Variants in MYO9A observed in about 807,000 individuals in gnomAD.
MYO9A encodes the protein myosin IXA, also known as unconventional myosin-IXa.
A neutral mutation model predicts 293.3 loss-of-function variants in MYO9A; 103 were observed. The observed-to-expected ratio is 0.35, with a 90% confidence interval of 0.30 to 0.41. The LOEUF is 0.41. MYO9A is among the 10% of genes least tolerant of loss of function. The pLI is 1.00. For missense variants in MYO9A, 2,685 were observed against 3,033.0 expected (o/e 0.89, Z 2.69); for synonymous variants, 1,001 against 1,035.7 (o/e 0.97, Z 0.64).
chr15:71,935,248 C>T, intron 17 of MYO9A, 93 bp downstream of exon 17: 4 of 1,302,730 alleles, frequency 3.1e-6, no homozygotes, highest in Admixed American at 2.3e-5. Context: ...TAACATTTCA[C>T]CATCTTCCTT....
intron 1 of MYO9A, among the ~76,000 whole-genome samples, chr15:72,067,013 T>G (rs1296730726): frequency 2.0e-5 from 3 of 149,434 alleles, no homozygotes; most frequent in Non-Finnish European, 4.4e-5. Flanking sequence ...ATCATTACAT[T>G]ATATATTACA....
At chr15:71,894,950 C>T (rs1462664143) in intron 25 of MYO9A, among the ~76,000 whole-genome samples, 2 of 152,184 alleles carry the variant, frequency 1.3e-5, no homozygotes, top group Non-Finnish European at 2.9e-5. Context: ...AAATTAGACA[C>T]TAACTTATGA....
intron 18 of MYO9A, among the ~76,000 whole-genome samples, chr15:71,928,729 C>G (rs1405244752): frequency 1.3e-5 from 2 of 151,604 alleles, no homozygotes; most frequent in African/African-American, 4.8e-5. Flanking sequence ...TCCTTAATTT[C>G]TTTTTCAGAT....
In MYO9A at chr15:72,066,632, T is replaced by C. The variant is rs372735961; in HGVS notation, c.-71-19998A>G. Reference sequence around the variant, plus strand: ...CATGGTTTCCTTAGCGGAGAGGAAGTTATATAGGCAGGGCACAAAAGGAAG... The same window carrying C: ...CATGGTTTCCTTAGCGGAGAGGAAGCTATATAGGCAGGGCACAAAAGGAAG... On this transcript the variant is annotated intron_variant, in intron 1 of 41. Transcript: ENST00000356056. Among the ~76,000 whole-genome samples the C allele has an allele frequency of 1.1e-4, 17 of 152,172 alleles. No individual in the cohort carries two copies. The South Asian group carries it at 3.5e-3, about 32-fold the overall frequency.
chr15:72,043,951 T>A (rs76144060), intron 2 of MYO9A, among the ~76,000 whole-genome samples: 22 of 110,150 alleles, frequency 2.0e-4, no homozygotes, highest in African/African-American at 6.8e-4. Context: ...TTTTTTTTTT[T>A]AAATTGGCAA....
intron 6 of MYO9A, among the ~76,000 whole-genome samples, chr15:72,017,564 A>C (rs2077380749): frequency 6.6e-6 from 1 of 152,150 alleles, no homozygotes; most frequent in South Asian, 2.1e-4. Context: ...TTTATATGTC[A>C]AGTGTTTTTT....
At chr15:71,938,374 A>G (rs2058691147) in intron 16 of MYO9A, among the ~76,000 whole-genome samples, 1 of 152,112 alleles carries the variant, frequency 6.6e-6, no homozygotes, top group South Asian at 2.1e-4. Flanking sequence ...TCATAAAATT[A>G]TTTATATTTG....
chr15:72,006,758 T>C (rs140283076), intron 8 of MYO9A, among the ~76,000 whole-genome samples: 37 of 152,278 alleles, frequency 2.4e-4, no homozygotes, highest in African/African-American at 7.5e-4. Flanking sequence ...ATGACAAATA[T>C]ATGAAACCTC....
intron 12 of MYO9A, among the ~76,000 whole-genome samples, chr15:71,977,751 A>G (rs962443245): frequency 6.6e-6 from 1 of 152,126 alleles, no homozygotes; most frequent in Non-Finnish European, 1.5e-5. Flanking sequence ...ATAAAAAAAA[A>G]TTGTGGCCAC....
In MYO9A at chr15:71,933,719, T is replaced by G. The variant is rs369957454; in HGVS notation, c.2523-10A>C. On this transcript the variant is annotated splice_polypyrimidine_tract_variant and intron_variant, in intron 17 of 41. Transcript: ENST00000356056. Reference sequence around the variant, plus strand: ...GAAATTTTTGTTTCTCCTATAGAGATAAATCATTCATTAAAAAAAGCTACT... The same window carrying G: ...GAAATTTTTGTTTCTCCTATAGAGAGAAATCATTCATTAAAAAAAGCTACT... The G allele has an allele frequency of 6.9e-5, 110 of 1,591,446 alleles. No homozygotes were observed. Among genetic ancestry groups the G allele is most frequent in the Non-Finnish European group, 8.9e-5 (104 of 1,170,888 alleles).
At chr15:72,016,365 T>C (rs891707304) in intron 6 of MYO9A, among the ~76,000 whole-genome samples, 19 of 152,198 alleles carry the variant, frequency 1.2e-4, no homozygotes, top group African/African-American at 2.9e-4. Context: ...CATGCAACAC[T>C]GCTGTTTGTG....
intron 8 of MYO9A, among the ~76,000 whole-genome samples, chr15:72,006,971 G>C (rs943641585): frequency 6.6e-6 from 1 of 152,184 alleles, no homozygotes. Flanking sequence ...GGATGGCAGA[G>C]GACAGAAGAC....
rs1005927310 is a variant in MYO9A at position 71,824,422 on chromosome 15, A to G, written c.*2158T>C. The G allele has an allele frequency of 2.0e-5, 3 of 152,242 alleles. No homozygotes were observed. The highest frequency in any genetic ancestry group is 1.3e-4 in the Admixed American group (2 of 15,284). The allele number at this position is 152,242 out of a possible 1,614,324, so 9.4% of individuals were successfully genotyped here. A position where few individuals can be genotyped will look rare whatever the true frequency, so the allele number is the denominator to read the frequency against. On this transcript the variant is annotated 3_prime_UTR_variant, in exon 42 of 42. Transcript: ENST00000356056. Reference sequence around the variant, plus strand: ...CCATTCCTCTGGGCCACAGGAAATTATTCCATAAGGGCAATCTCTTTTTTT... The same window carrying G: ...CCATTCCTCTGGGCCACAGGAAATTGTTCCATAAGGGCAATCTCTTTTTTT...
At chr15:71,999,203 T>A (rs186487411) in intron 9 of MYO9A, 1 of 152,186 alleles carries the variant, frequency 6.6e-6, no homozygotes, top group Admixed American at 6.5e-5. Context: ...TTATAATAAT[T>A]TGACTTGACA....
chr15:72,018,052 C>T (rs2077394142), intron 6 of MYO9A, among the ~76,000 whole-genome samples: 1 of 151,900 alleles, frequency 6.6e-6, no homozygotes, highest in African/African-American at 2.4e-5. Flanking sequence ...CATAGTGAGA[C>T]TCTGTCTTTA....
chr15:72,084,976 T>C (rs1012047474), intron 1 of MYO9A, among the ~76,000 whole-genome samples: 2 of 152,224 alleles, frequency 1.3e-5, no homozygotes, highest in Admixed American at 1.3e-4. Flanking sequence ...CCCGTATTTC[T>C]TGGAGGTTTT....
chr15:72,083,608 T>C (rs957286676), intron 1 of MYO9A, among the ~76,000 whole-genome samples: 23 of 152,236 alleles, frequency 1.5e-4, no homozygotes, highest in African/African-American at 4.6e-4. Context: ...GGTTGTTAAA[T>C]TGAGATCTTT....
Position 71,901,276 on chromosome 15 carries a change from C to T in MYO9A, c.3065G>A (p.Arg1022Lys). The T allele has an allele frequency of 1.2e-6, 2 of 1,614,032 alleles. No homozygotes were observed. Among genetic ancestry groups the T allele is most frequent in the Non-Finnish European group, 1.7e-6 (2 of 1,179,968 alleles). Residue 1022 changes from arginine to lysine, a missense_variant, in exon 23 of 42, where the codon AGA becomes AAA. By Grantham distance (26) the Arg-to-Lys change is conservative. Coordinates refer to ENST00000356056, the MANE Select transcript of MYO9A (RefSeq NM_006901.4). ...QDLLHQEVLRRIILLQRWFRV... is the reference protein window; with the variant it reads ...QDLLHQEVLRKIILLQRWFRV... ...GAACCATCGCTGCAACAATATGATT[C>T]TGCGGAGCACCTCTTGGTGAAGCAG... is the stretch of plus-strand genomic sequence containing the variant.
At chr15:72,098,874 G>C (rs773835853) in intron 1 of MYO9A, among the ~76,000 whole-genome samples, 1 of 150,784 alleles carries the variant, frequency 6.6e-6, no homozygotes, top group South Asian at 2.1e-4. Context: ...GAAAAGAAAT[G>C]ATAAAAACGA....
Sources: gnomAD v4.1 joint callset for allele counts (sites outside exome capture counted in the v4.1 genomes callset) on GRCh38, gnomAD v4.1.1 for gene constraint, MANE v1.5 for transcripts, NCBI Gene and HGNC (gene_info 2026-07-23, HGNC 2026-07-21) for gene names.